Variants in GSG1L observed in about 807,000 individuals in gnomAD.
GSG1L encodes the protein GSG1 like.
In GSG1L, 24 loss-of-function variants were observed where a neutral mutation model predicts 42.1. That is an observed-to-expected ratio of 0.57 (90% CI 0.41 to 0.80). The LOEUF (loss-of-function observed/expected upper bound fraction) is 0.80, where lower values mean the gene tolerates loss of function less well. Ranked by LOEUF, GSG1L falls within the 30% of genes least tolerant of loss-of-function variation. The pLI is 0.00. For missense variants in GSG1L, 445 were observed against 472.2 expected, an observed-to-expected ratio of 0.94 and a Z score of 0.53; for synonymous variants, 215 against 203.5, an observed-to-expected ratio of 1.06 and a Z score of -0.48.
chr16:27,997,340 GAC>G (rs1177828851), intron 1 of GSG1L, among the ~76,000 whole-genome samples: 1 of 36,022 alleles, frequency 2.8e-5, no homozygotes, highest in African/African-American at 6.4e-5. Context: ...TTTTTTTTGA[GAC>G]AGAGTCTTGC....
chr16:27,911,266 G>GCTCGCTCTCTCTCTCTCTCTCGCTCT (rs568864667), intron 2 of GSG1L, among the ~76,000 whole-genome samples: 1 of 122,058 alleles, frequency 8.2e-6, no homozygotes. Context: ...CCTCTCTCTC[G>GCTCGCTCTCTCTCTCTCTCTCGCTCT]CTCTCTCTCT....
intron 1 of GSG1L, among the ~76,000 whole-genome samples, chr16:28,025,345 G>T (rs565679571): frequency 3.9e-5 from 6 of 152,264 alleles, no homozygotes; most frequent in Non-Finnish European, 7.4e-5. Context: ...GGCAACTCTG[G>T]GCAGGGGCCA....
intron 5 of GSG1L, among the ~76,000 whole-genome samples, chr16:27,808,744 A>G (rs1487426251): frequency 1.3e-5 from 2 of 152,206 alleles, no homozygotes; most frequent in Admixed American, 6.5e-5. Flanking sequence ...ATTCTGGTAC[A>G]GTGTTCTTCC....
chr16:27,828,904 T>C lies in GSG1L; in HGVS notation c.715A>G (p.Asn239Asp), dbSNP rs2083245134. 1.2e-6 allele frequency: 2 copies of C among 1,614,120 alleles called. No homozygotes were observed. Among genetic ancestry groups the C allele is most frequent in the Non-Finnish European group, 1.7e-6 (2 of 1,180,058 alleles). The change falls in exon 5 of 7, where the codon AAC (asparagine) becomes GAC (aspartate). Residue 239 changes from asparagine to aspartate, a missense_variant. Transcript: ENST00000447459. ...TCAATGACCGTCTTGGTGTAGGAGT[T>C]GAGCGTGGTGACAGAGGCTGCCATG... Reference protein sequence around the residue: ...CCMAASVTTLNSYTKTVIEFR... With the variant: ...CCMAASVTTLDSYTKTVIEFR...
At chr16:27,865,055 G>A (rs2083697655) in intron 3 of GSG1L, among the ~76,000 whole-genome samples, 1 of 152,176 alleles carries the variant, frequency 6.6e-6, no homozygotes, top group South Asian at 2.1e-4. Context: ...CTTGGAGTCA[G>A]CTGTGATGTC....
At chr16:28,022,268 A>G (rs1251959382) in intron 1 of GSG1L, among the ~76,000 whole-genome samples, 1 of 152,160 alleles carries the variant, frequency 6.6e-6, no homozygotes, top group Non-Finnish European at 1.5e-5. Flanking sequence ...CATGAGGTTC[A>G]ATCAGGGATA....
intron 1 of GSG1L, among the ~76,000 whole-genome samples, chr16:28,003,221 C>T (rs1286941563): frequency 6.6e-5 from 10 of 152,202 alleles, no homozygotes; most frequent in African/African-American, 1.9e-4. Flanking sequence ...TTCTTAAAAG[C>T]GCTATCTGGA....
At chr16:27,970,393 G>A (rs369931155) in intron 1 of GSG1L, among the ~76,000 whole-genome samples, 8 of 151,932 alleles carry the variant, frequency 5.3e-5, no homozygotes, top group East Asian at 2.0e-4. Context: ...CCAACATGGT[G>A]AAATCCCATC....
intron 2 of GSG1L, among the ~76,000 whole-genome samples, chr16:27,949,422 G>A (rs1488093188): frequency 2.0e-5 from 3 of 152,202 alleles, no homozygotes; most frequent in African/African-American, 7.2e-5. Flanking sequence ...AGCGTGAAAT[G>A]AAAATGAACA....
chr16:27,994,068 T>C (rs2085486712), intron 1 of GSG1L, among the ~76,000 whole-genome samples: 2 of 51,896 alleles, frequency 3.9e-5, no homozygotes, highest in Non-Finnish European at 7.0e-5. Context: ...TGTTAAACTT[T>C]TGCGCAACCT....
intron 1 of GSG1L, among the ~76,000 whole-genome samples, chr16:27,968,353 G>A (rs1314572117): frequency 6.6e-6 from 1 of 152,082 alleles, no homozygotes; most frequent in African/African-American, 2.4e-5. Context: ...GGGTTCAAGT[G>A]ATCCTCCTGC....
chr16:27,797,428 C>A (rs765997301), intron 6 of GSG1L, among the ~76,000 whole-genome samples: 2 of 150,294 alleles, frequency 1.3e-5, no homozygotes, highest in African/African-American at 2.5e-5. Flanking sequence ...GAGGCTGAGG[C>A]AGGAGAATTG....
intron 3 of GSG1L, among the ~76,000 whole-genome samples, chr16:27,845,906 A>C (rs2083437427): frequency 6.6e-6 from 1 of 151,360 alleles, no homozygotes. Context: ...ACAATTAATA[A>C]ACTTTTTTTT....
At chr16:27,796,583 G>A (rs1247255777) in intron 6 of GSG1L, among the ~76,000 whole-genome samples, 1 of 152,224 alleles carries the variant, frequency 6.6e-6, no homozygotes, top group Non-Finnish European at 1.5e-5. Flanking sequence ...TCTGCAGAAT[G>A]AGTGAACGGT....
At chr16:27,793,700 C>T (rs761838156) in intron 6 of GSG1L, among the ~76,000 whole-genome samples, 1 of 152,210 alleles carries the variant, frequency 6.6e-6, no homozygotes, top group Non-Finnish European at 1.5e-5. Flanking sequence ...TAAAATCAGG[C>T]TGTCTGTCCC....
Position 27,869,778 on chromosome 16 carries a change from T to C in GSG1L, c.550+14708A>G, listed in dbSNP as rs373243238. 1.6e-3 allele frequency among the ~76,000 whole-genome samples: 228 copies of C among 142,226 alleles called. 7 individuals are homozygous for C. The highest frequency in any genetic ancestry group is 5.9e-3 in the African/African-American group (215 of 36,664). The allele number at this position is 142,226 out of a possible 152,430, so 93.3% of individuals were successfully genotyped here. A position where few individuals can be genotyped will look rare whatever the true frequency, so the allele number is the denominator to read the frequency against. The stretch of plus-strand genomic sequence containing the variant: ...TTCTCTGTCTCTGTCTCCCTCTAGC[T>C]CTCTCTCCTTCTCTCTTTGTCTCTG... On this transcript the variant is annotated intron_variant, in intron 3 of 6. Transcript: ENST00000447459.
chr16:28,055,732 A>G (rs889513338), intron 1 of GSG1L, among the ~76,000 whole-genome samples: 2 of 152,108 alleles, frequency 1.3e-5, no homozygotes, highest in African/African-American at 4.8e-5. Context: ...GGCCTCCCAA[A>G]GTGCTGGGAT....
chr16:27,936,157 G>A (rs915860313), intron 2 of GSG1L, among the ~76,000 whole-genome samples: 3 of 152,008 alleles, frequency 2.0e-5, no homozygotes, highest in African/African-American at 7.2e-5. Context: ...GAAGTGGTCA[G>A]ACTCACAGCA....
intron 3 of GSG1L, among the ~76,000 whole-genome samples, chr16:27,853,551 GC>G (rs1189573760): frequency 6.6e-6 from 1 of 152,136 alleles, no homozygotes. Flanking sequence ...TTACTGAGGT[GC>G]CCCCCAACCT....
Sources: gnomAD v4.1 joint callset for allele counts (sites outside exome capture counted in the v4.1 genomes callset) on GRCh38, gnomAD v4.1.1 for gene constraint, MANE v1.5 for transcripts, NCBI Gene and HGNC (gene_info 2026-07-23, HGNC 2026-07-21) for gene names.